Variants in GPHN observed in about 807,000 individuals in gnomAD.
The protein encoded by GPHN is gephyrin.
Under a neutral mutation model 95.5 loss-of-function variants are expected in GPHN, and 17 were observed. The ratio of observed to expected loss-of-function variants is 0.18; its 90% CI spans 0.12 to 0.27. GPHN has a LOEUF of 0.27. Among genes scored for constraint, GPHN ranks in the 10% least tolerant of loss-of-function variants. The pLI is 1.00. For missense variants in GPHN, 660 were observed against 978.1 expected, an observed-to-expected ratio of 0.67 and a Z score of 4.34; for synonymous variants, 320 against 322.5, an observed-to-expected ratio of 0.99 and a Z score of 0.08.
chr14:66,565,904 T>C (rs776136511), intron 1 of GPHN, among the ~76,000 whole-genome samples: 1 of 151,978 alleles, frequency 6.6e-6, no homozygotes, highest in East Asian at 1.9e-4. Flanking sequence ...ATTTGAAAAA[T>C]TATTTTAAGA....
At chr14:67,517,594 G>T in the GPHN span, among the ~76,000 whole-genome samples, 1 of 152,182 alleles carries the variant, frequency 6.6e-6, no homozygotes, top group African/African-American at 2.4e-5. Context: ...GATCTAAGGT[G>T]CAAGGCATGG....
At chr14:67,205,533 G>A in the GPHN span, among the ~76,000 whole-genome samples, 3 of 152,138 alleles carry the variant, frequency 2.0e-5, no homozygotes, top group African/African-American at 7.2e-5. Flanking sequence ...ATGGAATTTC[G>A]ATGGGTAAAC....
intron 9 of GPHN, among the ~76,000 whole-genome samples, chr14:67,001,974 C>T (rs917208189): frequency 2.6e-5 from 4 of 151,618 alleles, no homozygotes; most frequent in African/African-American, 9.7e-5. Context: ...ATAGCCTAGA[C>T]TTTGGCAAGT....
chr14:67,651,391 G>T, the GPHN span: 2 of 1,613,788 alleles, frequency 1.2e-6, no homozygotes, highest in Non-Finnish European at 1.7e-6. Flanking sequence ...AAGTTCAATG[G>T]CTGCGAAAGA....
At chr14:66,993,664 T>C (rs1429622995) in intron 9 of GPHN, among the ~76,000 whole-genome samples, 1 of 152,102 alleles carries the variant, frequency 6.6e-6, no homozygotes, top group African/African-American at 2.4e-5. Flanking sequence ...TCAGCTAACT[T>C]TGAGTGGGGA....
intron 9 of GPHN, among the ~76,000 whole-genome samples, chr14:67,021,452 C>G (rs2073624760): frequency 6.6e-6 from 1 of 152,078 alleles, no homozygotes; most frequent in African/African-American, 2.4e-5. Flanking sequence ...TAGTTCTAAA[C>G]TGAGGTGCCA....
intron 2 of GPHN, among the ~76,000 whole-genome samples, chr14:66,712,967 C>T (rs1026256304): frequency 2.0e-5 from 3 of 151,974 alleles, no homozygotes; most frequent in Non-Finnish European, 4.4e-5. Flanking sequence ...TCTATTTATG[C>T]CCTTAGCCCA....
the GPHN span, chr14:67,585,936 G>A: frequency 6.2e-7 from 1 of 1,606,530 alleles, no homozygotes; most frequent in Admixed American, 1.7e-5. Flanking sequence ...ACAACTGACT[G>A]GTTCCTTTCC....
In GPHN at chr14:66,508,181, G is replaced by A. The variant is rs917812681; in HGVS notation, c.-347G>A. On this transcript the variant is annotated 5_prime_UTR_variant, in exon 1 of 23. Transcript: ENST00000478722. ...TCAGTCCTGCCATCTAGCTGCCTTG[G>A]GTCTCGCGCTCCGCAGAGCGTTCCG... is the stretch of plus-strand genomic sequence containing the variant. The A allele has an allele frequency of 2.5e-4, 120 of 485,274 alleles. No homozygotes were observed. The highest frequency in any genetic ancestry group is 2.0e-3 in the African/African-American group (103 of 51,054). 30.1% of individuals were successfully genotyped at this position (485,274 alleles called of 1,614,324 possible).
intron 9 of GPHN, among the ~76,000 whole-genome samples, chr14:67,014,632 T>A (rs1188138318): frequency 6.6e-6 from 1 of 152,202 alleles, no homozygotes; most frequent in Non-Finnish European, 1.5e-5. Flanking sequence ...CCAAGTTCTA[T>A]TACTACTTTA....
At chr14:66,837,226 A>T (rs1438676753) in intron 4 of GPHN, among the ~76,000 whole-genome samples, 5 of 148,580 alleles carry the variant, frequency 3.4e-5, no homozygotes, top group Non-Finnish European at 7.5e-5. Flanking sequence ...TGGATTAAGA[A>T]AATGTGGCAT....
intron 1 of GPHN, among the ~76,000 whole-genome samples, chr14:66,564,481 G>T (rs2060380649): frequency 6.6e-6 from 1 of 152,066 alleles, no homozygotes; most frequent in Admixed American, 6.6e-5. Context: ...TGGGTCTTGG[G>T]TAATGCTAAT....
chr14:67,255,769 C>T, the GPHN span, among the ~76,000 whole-genome samples: 5 of 152,180 alleles, frequency 3.3e-5, no homozygotes, highest in African/African-American at 1.2e-4. Flanking sequence ...CAACCTCTGC[C>T]CCTACCCACC....
At chr14:66,583,690 A>G (rs1206583151) in intron 1 of GPHN, among the ~76,000 whole-genome samples, 3 of 152,024 alleles carry the variant, frequency 2.0e-5, no homozygotes, top group Non-Finnish European at 2.9e-5. Flanking sequence ...AAGATCAGAT[A>G]GTTGTAGATA....
the GPHN span, among the ~76,000 whole-genome samples, chr14:67,712,063 A>G: frequency 2.6e-5 from 4 of 152,010 alleles, no homozygotes; most frequent in African/African-American, 9.7e-5. Flanking sequence ...GGGATTACAG[A>G]CATGTGCCAC....
chr14:67,484,787 A>G, the GPHN span, among the ~76,000 whole-genome samples: 2 of 152,296 alleles, frequency 1.3e-5, no homozygotes, highest in South Asian at 2.1e-4. Flanking sequence ...AAAAGCACTC[A>G]TAATTCTGAA....
At chr14:67,701,023 T>TTA in the GPHN span, among the ~76,000 whole-genome samples, 1 of 21,282 alleles carries the variant, frequency 4.7e-5, no homozygotes, top group Admixed American at 6.4e-4. Context: ...AAATTTCATC[T>TTA]CAAAAAAAAA....
intron 3 of GPHN, among the ~76,000 whole-genome samples, chr14:66,779,515 T>C (rs542242032): frequency 1.3e-5 from 2 of 152,274 alleles, no homozygotes; most frequent in South Asian, 4.1e-4. Flanking sequence ...ATTGAAATTA[T>C]GTATTATAAA....
chr14:66,986,573 G>A (rs980133679), intron 9 of GPHN, among the ~76,000 whole-genome samples: 8 of 152,070 alleles, frequency 5.3e-5, no homozygotes, highest in African/African-American at 1.9e-4. Flanking sequence ...CACATTTAAT[G>A]CTGCCACCTT....
Sources: allele counts gnomAD v4.1 joint callset (sites outside exome capture counted in the v4.1 genomes callset), GRCh38; gene constraint gnomAD v4.1.1; transcripts MANE v1.5; gene names NCBI Gene and HGNC (gene_info 2026-07-23, HGNC 2026-07-21).